The following RANBP17 variants were observed in gnomAD, a reference collection of about 807,000 sequenced individuals.
RANBP17 encodes the protein ran-binding protein 17.
In RANBP17, 158 loss-of-function variants were observed where a neutral mutation model predicts 141.2. That is an observed-to-expected ratio of 1.12 (90% CI 0.98 to 1.28). The LOEUF is 1.28. Among genes scored for constraint, RANBP17 ranks in the 50% most tolerant of loss-of-function variants. The probability of loss-of-function intolerance (pLI) is 0.00; values close to 1 mark genes in which losing one functional copy is unlikely to be tolerated. For synonymous variants in RANBP17, 430 were observed against 450.0 expected (o/e 0.96, Z 0.56); for missense variants, 1,438 against 1,290.7 (o/e 1.11, Z -1.75).
chr5:170,900,056 T>C (rs1770498176), intron 5 of RANBP17, among the ~76,000 whole-genome samples: 1 of 152,168 alleles, frequency 6.6e-6, no homozygotes, highest in Non-Finnish European at 1.5e-5. Flanking sequence ...GGAGTCTCTC[T>C]TTTTCTGTTG....
chr5:170,987,765 G>T (rs1778243910), intron 14 of RANBP17, among the ~76,000 whole-genome samples: 1 of 151,476 alleles, frequency 6.6e-6, no homozygotes, highest in Admixed American at 6.6e-5. Context: ...TTTAAGTGTT[G>T]GTGCAAGAGC....
Position 171,242,818 on chromosome 5 carries a change from T to G in RANBP17, c.2774T>G (p.Leu925Arg). ...TCTATCTCAGAGGGACTCACTACTC[T>G]TGGTAAGGATCATAGAGGACATTGT... ...LTSISEGLTT[L>R]DTVVSSSCCT... Residue 925 changes from leucine to arginine, a missense_variant and splice_region_variant, in exon 24 of 28, where the codon CTT becomes CGT. By Grantham distance (102) the Leu-to-Arg change is moderately radical. Transcript: ENST00000523189. 1 of 1,613,538 alleles carries G rather than the reference T, an allele frequency of 6.2e-7. No homozygotes were observed. The highest frequency in any genetic ancestry group is 8.5e-7 in the Non-Finnish European group (1 of 1,179,588).
At chr5:170,973,780 T>C (rs1339564233) in intron 14 of RANBP17, among the ~76,000 whole-genome samples, 1 of 152,148 alleles carries the variant, frequency 6.6e-6, no homozygotes, top group African/African-American at 2.4e-5. Flanking sequence ...CTAGCAGATT[T>C]TGTGTGTGGT....
intron 12 of RANBP17, among the ~76,000 whole-genome samples, chr5:170,950,340 A>T (rs1158816889): frequency 6.6e-6 from 1 of 151,978 alleles, no homozygotes; most frequent in East Asian, 1.9e-4. Flanking sequence ...CTGACCAGGG[A>T]GGAATAGAAT....
intron 18 of RANBP17, among the ~76,000 whole-genome samples, chr5:171,187,513 C>T (rs913547848): frequency 2.7e-5 from 4 of 150,922 alleles, no homozygotes; most frequent in Non-Finnish European, 4.4e-5. Flanking sequence ...TACTTCAAAA[C>T]ATGTTGTATA....
chr5:170,936,998 CA>C (rs1444969813), intron 12 of RANBP17, among the ~76,000 whole-genome samples: 2 of 152,160 alleles, frequency 1.3e-5, no homozygotes, highest in African/African-American at 4.8e-5. Flanking sequence ...TTTCTCCATC[CA>C]TTTACTTCCT....
chr5:171,007,784 A>T (rs1779755344), intron 14 of RANBP17, among the ~76,000 whole-genome samples: 1 of 152,184 alleles, frequency 6.6e-6, no homozygotes, highest in African/African-American at 2.4e-5. Flanking sequence ...AGAAAATAAG[A>T]TGCTTAGATT....
rs74700459 is a variant in RANBP17 at position 171,176,270 on chromosome 5, A to G, written c.1865+4984A>G. 7.5e-3 allele frequency among the ~76,000 whole-genome samples: 1,134 copies of G among 151,662 alleles called. 13 individuals carry two copies. The highest frequency in any genetic ancestry group is 0.026 in the African/African-American group (1,072 of 41,246). Reference sequence around the variant, plus strand: ...TCAAAGTCACTTGATGACCATGAAAATTTTATTTTTTACCCCTACCTTTCC... The same window carrying G: ...TCAAAGTCACTTGATGACCATGAAAGTTTTATTTTTTACCCCTACCTTTCC... On this transcript the variant is annotated intron_variant, in intron 16 of 27. Coordinates refer to ENST00000523189, the MANE Select transcript of RANBP17 (RefSeq NM_022897.5).
chr5:171,022,897 T>C (rs1780977475), intron 14 of RANBP17, among the ~76,000 whole-genome samples: 2 of 152,212 alleles, frequency 1.3e-5, no homozygotes, highest in South Asian at 2.1e-4. Context: ...GTTGGGATGC[T>C]AGCCCCAGTG....
chr5:171,172,760 A>T (rs1444007662), intron 16 of RANBP17, among the ~76,000 whole-genome samples: 1 of 151,602 alleles, frequency 6.6e-6, no homozygotes, highest in Admixed American at 6.6e-5. Flanking sequence ...AATTAATTTG[A>T]TTTGTATTCT....
At chr5:171,137,642 T>C (rs2127801462) in intron 14 of RANBP17, among the ~76,000 whole-genome samples, 1 of 137,738 alleles carries the variant, frequency 7.3e-6, no homozygotes, top group South Asian at 2.3e-4. Context: ...GTGTGTGTAT[T>C]CCCCTAATTG....
chr5:171,041,480 C>G (rs977197055), intron 14 of RANBP17, among the ~76,000 whole-genome samples: 1 of 152,136 alleles, frequency 6.6e-6, no homozygotes, highest in Non-Finnish European at 1.5e-5. Context: ...TCACACATCA[C>G]TTAACAACAA....
intron 16 of RANBP17, among the ~76,000 whole-genome samples, 174 bp downstream of exon 16, chr5:171,171,460 A>G (rs1479377449): frequency 6.6e-6 from 1 of 152,064 alleles, no homozygotes; most frequent in African/African-American, 2.4e-5. Flanking sequence ...TTAGCTGTAT[A>G]CTATGAAGCA....
At chr5:171,074,409 G>C (rs1784796353) in intron 14 of RANBP17, among the ~76,000 whole-genome samples, 2 of 152,004 alleles carry the variant, frequency 1.3e-5, no homozygotes, top group African/African-American at 4.8e-5. Context: ...TTGGATCTTA[G>C]AATCAAAAAA....
chr5:171,078,638 A>C (rs1785082797), intron 14 of RANBP17, among the ~76,000 whole-genome samples: 3 of 152,160 alleles, frequency 2.0e-5, no homozygotes, highest in Non-Finnish European at 4.4e-5. Context: ...CTCACTTACC[A>C]CCTGAAAATC....
chr5:171,105,473 G>A (rs1327625625), intron 14 of RANBP17, among the ~76,000 whole-genome samples: 2 of 151,734 alleles, frequency 1.3e-5, no homozygotes, highest in South Asian at 2.1e-4. Flanking sequence ...TGTGGCAGGA[G>A]GATCACTTAA....
intron 14 of RANBP17, among the ~76,000 whole-genome samples, chr5:171,166,877 A>C (rs1255261895): frequency 6.6e-6 from 1 of 152,196 alleles, no homozygotes; most frequent in Admixed American, 6.5e-5. Flanking sequence ...TGAGCTTTTC[A>C]ATTTACTATT....
chr5:171,162,514 A>T (rs1004893657), intron 14 of RANBP17, among the ~76,000 whole-genome samples: 1 of 152,016 alleles, frequency 6.6e-6, no homozygotes, highest in African/African-American at 2.4e-5. Flanking sequence ...TAGACCCTAG[A>T]TCTGCTTGGG....
intron 12 of RANBP17, among the ~76,000 whole-genome samples, chr5:170,951,958 T>G (rs1246206867): frequency 3.3e-5 from 5 of 151,940 alleles, no homozygotes; most frequent in African/African-American, 1.2e-4. Flanking sequence ...GGGATATTTG[T>G]TAGTGTTGTT....
Sources: allele counts gnomAD v4.1 joint callset (sites outside exome capture counted in the v4.1 genomes callset), GRCh38; gene constraint gnomAD v4.1.1; transcripts MANE v1.5; gene names NCBI Gene and HGNC (gene_info 2026-07-23, HGNC 2026-07-21).